GRIA4: variants seen among roughly 807,000 people sequenced by gnomAD.
The protein encoded by GRIA4 is glutamate receptor 4.
GRIA4 carries 34 observed loss-of-function variants against 104.0 expected under a neutral mutation model. The observed-to-expected ratio is 0.33, with a 90% CI of 0.25 to 0.44. GRIA4 has a LOEUF of 0.44. Among genes scored for constraint, GRIA4 ranks in the 20% least tolerant of loss-of-function variants. The pLI is 1.00. For missense variants in GRIA4, 750 were observed against 1,096.5 expected, an observed-to-expected ratio of 0.68 and a Z score of 4.46; for synonymous variants, 386 against 381.9, an observed-to-expected ratio of 1.01 and a Z score of -0.13.
intron 3 of GRIA4, among the ~76,000 whole-genome samples, chr11:105,634,597 A>G (rs571794260): frequency 7.2e-5 from 11 of 152,300 alleles, no homozygotes; most frequent in African/African-American, 1.7e-4. Flanking sequence ...TGCATATACC[A>G]AGCTATTCCT....
At position 105,686,067 on chromosome 11, in the gene GRIA4, C is replaced by CT. The variant is rs1175352519; in HGVS notation, c.248-66907dup. ...GATAAAGATGATGGCAAAAGAGTTT[C>CT]TTTTTTTCAACTTTTATTTTAGATT... On this transcript the variant is annotated intron_variant, in intron 3 of 16. Coordinates refer to ENST00000282499, the MANE Select transcript of GRIA4 (RefSeq NM_000829.4). Among the ~76,000 whole-genome samples the CT allele has an allele frequency of 2.0e-5, 3 of 152,048 alleles. 1 individual carries two copies. Among genetic ancestry groups the CT allele is most frequent in the African/African-American group, 7.2e-5 (3 of 41,490 alleles).
intron 13 of GRIA4, among the ~76,000 whole-genome samples, chr11:105,927,849 A>G (rs1947758706): frequency 6.6e-6 from 1 of 152,052 alleles, no homozygotes. Flanking sequence ...ATATCGAACT[A>G]GGTAAAAACG....
At chr11:105,685,118 G>A (rs7102567) in intron 3 of GRIA4, among the ~76,000 whole-genome samples, 43,990 of 138,212 alleles carry the variant, frequency 0.32, 6,839 homozygotes, top group South Asian at 0.41. Flanking sequence ...ATTCCTTTAG[G>A]AAGGAAGGAA....
chr11:105,687,240 G>C (rs1216923561), intron 3 of GRIA4, among the ~76,000 whole-genome samples: 1 of 152,150 alleles, frequency 6.6e-6, no homozygotes, highest in Non-Finnish European at 1.5e-5. Flanking sequence ...TTGCTCTCCT[G>C]TTATGGACAT....
chr11:105,871,576 G>A (rs1032065429), intron 5 of GRIA4, among the ~76,000 whole-genome samples: 2 of 151,446 alleles, frequency 1.3e-5, no homozygotes, highest in Admixed American at 6.6e-5. Context: ...TATAAAGACA[G>A]GGTATCTACT....
At chr11:105,845,620 C>A (rs867952384) in intron 4 of GRIA4, among the ~76,000 whole-genome samples, 1 of 152,144 alleles carries the variant, frequency 6.6e-6, no homozygotes, top group Non-Finnish European at 1.5e-5. Flanking sequence ...CGGTGGCTCA[C>A]GCCTGTAAGT....
intron 3 of GRIA4, chr11:105,613,952 C>T: frequency 6.6e-6 from 1 of 151,762 alleles, no homozygotes; most frequent in African/African-American, 2.4e-5. Flanking sequence ...GTGGGTAGTC[C>T]TTTTTGTAAA....
intron 5 of GRIA4, among the ~76,000 whole-genome samples, chr11:105,872,932 C>CT (rs574863443): frequency 2.6e-5 from 4 of 151,520 alleles, no homozygotes; most frequent in African/African-American, 7.3e-5. Flanking sequence ...CATGGTGTAT[C>CT]TTTTTTTATT....
chr11:105,640,646 A>C (rs2135346739), intron 3 of GRIA4, among the ~76,000 whole-genome samples: 1 of 151,994 alleles, frequency 6.6e-6, no homozygotes, highest in Non-Finnish European at 1.5e-5. Flanking sequence ...ATTTTAAGTA[A>C]CAATTTGACC....
chr11:105,784,007 C>T (rs1488322564), intron 4 of GRIA4, among the ~76,000 whole-genome samples: 1 of 152,172 alleles, frequency 6.6e-6, no homozygotes, highest in African/African-American at 2.4e-5. Context: ...TATATCCTGA[C>T]TTTGCTTCCT....
intron 3 of GRIA4, among the ~76,000 whole-genome samples, chr11:105,739,415 T>C (rs1429932566): frequency 2.0e-5 from 3 of 152,184 alleles, no homozygotes; most frequent in African/African-American, 7.2e-5. Context: ...CATTGTGATC[T>C]TTGATGGTGC....
chr11:105,871,033 A>G (rs1194696448), intron 5 of GRIA4, among the ~76,000 whole-genome samples: 1 of 152,046 alleles, frequency 6.6e-6, no homozygotes, highest in Non-Finnish European at 1.5e-5. Flanking sequence ...ATCTACTTAA[A>G]TATTTATTGA....
chr11:105,881,124 T>A (rs147501386), intron 5 of GRIA4, among the ~76,000 whole-genome samples: 1 of 152,288 alleles, frequency 6.6e-6, no homozygotes, highest in African/African-American at 2.4e-5. Flanking sequence ...TAATTCCATT[T>A]GGAATGAGTG....
chr11:105,921,306 G>GGGGGGTGT (rs758122574), intron 11 of GRIA4, among the ~76,000 whole-genome samples: 2 of 138,768 alleles, frequency 1.4e-5, no homozygotes, highest in Non-Finnish European at 3.1e-5. Context: ...ACCACACTTG[G>GGGGGGTGT]GTGTGTGTGT....
intron 14 of GRIA4, among the ~76,000 whole-genome samples, chr11:105,952,060 T>C (rs1948468718): frequency 6.6e-6 from 1 of 152,228 alleles, no homozygotes; most frequent in African/African-American, 2.4e-5. Flanking sequence ...CCCTTCTCAA[T>C]AAATCAGTCT....
At chr11:105,695,747 T>C (rs1721945129) in intron 3 of GRIA4, among the ~76,000 whole-genome samples, 1 of 152,198 alleles carries the variant, frequency 6.6e-6, no homozygotes, top group Admixed American at 6.5e-5. Context: ...GATGAGAATT[T>C]AGTTGCTATT....
At chr11:105,931,040 G>C (rs1413745967) in intron 13 of GRIA4, among the ~76,000 whole-genome samples, 1 of 152,056 alleles carries the variant, frequency 6.6e-6, no homozygotes, top group Admixed American at 6.6e-5. Flanking sequence ...GTGAATCAGA[G>C]AGGCAATATT....
At chr11:105,613,526 A>G (rs1401155701) in intron 3 of GRIA4, 1 of 152,196 alleles carries the variant, frequency 6.6e-6, no homozygotes, top group Non-Finnish European at 1.5e-5. Context: ...AGCTGGGAAC[A>G]TTTTTATTTA....
At chr11:105,688,493 G>T (rs546429333) in intron 3 of GRIA4, among the ~76,000 whole-genome samples, 86 of 152,188 alleles carry the variant, frequency 5.7e-4, no homozygotes, top group African/African-American at 2.0e-3. Context: ...CCTGGGGCAC[G>T]CGGAGCTTGT....
Sources: gnomAD v4.1 joint callset for allele counts (sites outside exome capture counted in the v4.1 genomes callset) on GRCh38, gnomAD v4.1.1 for gene constraint, MANE v1.5 for transcripts, NCBI Gene and HGNC (gene_info 2026-07-23, HGNC 2026-07-21) for gene names.